The following PDGFD variants were observed in gnomAD, a reference collection of about 807,000 sequenced individuals.
The protein encoded by PDGFD is platelet derived growth factor D.
In PDGFD, 30 loss-of-function variants were observed where a neutral mutation model predicts 44.7. The ratio of observed to expected loss-of-function variants is 0.67; its 90% confidence interval spans 0.50 to 0.91. PDGFD has a LOEUF of 0.91. Among genes scored for constraint, PDGFD ranks in the 40% least tolerant of loss-of-function variants. The probability of loss-of-function intolerance (pLI) is 0.00; values close to 1 mark genes in which losing one functional copy is unlikely to be tolerated. For missense variants in PDGFD, 445 were observed against 457.8 expected, an observed-to-expected ratio of 0.97 and a Z score of 0.25; for synonymous variants, 173 against 168.4, an observed-to-expected ratio of 1.03 and a Z score of -0.21.
chr11:103,958,754 C>T (rs1858893051), intron 3 of PDGFD, among the ~76,000 whole-genome samples: 2 of 152,156 alleles, frequency 1.3e-5, no homozygotes, highest in Non-Finnish European at 2.9e-5. Context: ...CTGTACTTGA[C>T]TGACGTTATA....
chr11:103,952,537 A>T (rs1858775094), intron 3 of PDGFD, among the ~76,000 whole-genome samples: 1 of 152,120 alleles, frequency 6.6e-6, no homozygotes, highest in Non-Finnish European at 1.5e-5. Context: ...ACCTTACTGT[A>T]CCTTATAGAG....
At chr11:103,934,559 C>T (rs2029305) in intron 5 of PDGFD, among the ~76,000 whole-genome samples, 49,449 of 152,002 alleles carry the variant, frequency 0.33, 8,402 homozygotes, top group East Asian at 0.39. Flanking sequence ...GGTTTAATGG[C>T]CTCACAGTTA....
intron 5 of PDGFD, among the ~76,000 whole-genome samples, chr11:103,929,425 T>C (rs1263138852): frequency 6.6e-6 from 1 of 152,146 alleles, no homozygotes; most frequent in Non-Finnish European, 1.5e-5. Flanking sequence ...GCCTTCCCTA[T>C]AGGAATTCCA....
At chr11:104,067,676 C>A (rs1194972421) in intron 1 of PDGFD, among the ~76,000 whole-genome samples, 4 of 152,030 alleles carry the variant, frequency 2.6e-5, no homozygotes, top group African/African-American at 4.8e-5. Flanking sequence ...TAGATTCAGG[C>A]AGAAAAAGAT....
intron 6 of PDGFD, among the ~76,000 whole-genome samples, chr11:103,926,618 C>T (rs1408896289): frequency 6.6e-6 from 1 of 152,138 alleles, no homozygotes; most frequent in Non-Finnish European, 1.5e-5. Context: ...GCAAGTAGGT[C>T]AAGCTCTGAA....
chr11:104,071,836 T>C (rs941226006), intron 1 of PDGFD, among the ~76,000 whole-genome samples: 1 of 151,758 alleles, frequency 6.6e-6, no homozygotes, highest in African/African-American at 2.4e-5. Context: ...ACTTCATTTA[T>C]TAAAAAGATT....
At chr11:104,078,405 T>C (rs930108823) in intron 1 of PDGFD, among the ~76,000 whole-genome samples, 2 of 152,134 alleles carry the variant, frequency 1.3e-5, no homozygotes, top group African/African-American at 4.8e-5. Flanking sequence ...TCTTCTCAGA[T>C]TTATCCTTTT....
At chr11:103,916,915 C>T (rs1858135185) in intron 6 of PDGFD, among the ~76,000 whole-genome samples, 2 of 152,120 alleles carry the variant, frequency 1.3e-5, no homozygotes, top group South Asian at 4.2e-4. Context: ...GGGAGGGGAA[C>T]ATCACACACC....
intron 1 of PDGFD, among the ~76,000 whole-genome samples, chr11:104,101,108 C>T (rs374078809): frequency 0.04 from 6,039 of 151,942 alleles, 155 homozygotes; most frequent in Non-Finnish European, 0.058. Context: ...CCAGGGCAAT[C>T]CGGCAGGAGA....
intron 1 of PDGFD, among the ~76,000 whole-genome samples, chr11:104,070,618 G>C (rs1484531573): frequency 1.3e-5 from 2 of 152,066 alleles, no homozygotes; most frequent in East Asian, 3.9e-4. Flanking sequence ...GTAAAATCAT[G>C]CTCCTCATTT....
chr11:104,108,265 G>T (rs564414150), intron 1 of PDGFD, among the ~76,000 whole-genome samples: 13 of 152,050 alleles, frequency 8.5e-5, no homozygotes, highest in Middle Eastern at 6.8e-3. Flanking sequence ...GAGTGAATAC[G>T]CAACCTACAG....
At chr11:104,017,529 C>T (rs11226114) in intron 1 of PDGFD, among the ~76,000 whole-genome samples, 8 of 152,026 alleles carry the variant, frequency 5.3e-5, no homozygotes, top group African/African-American at 1.7e-4. Context: ...CTGTTCTGCC[C>T]GATCCAACAT....
At chr11:104,012,035 A>T (rs1404955912) in intron 1 of PDGFD, among the ~76,000 whole-genome samples, 1 of 152,136 alleles carries the variant, frequency 6.6e-6, no homozygotes, top group Non-Finnish European at 1.5e-5. Context: ...TAATTAGTAA[A>T]CCTATGAAAG....
intron 1 of PDGFD, among the ~76,000 whole-genome samples, chr11:104,104,055 T>C (rs990058853): frequency 2.0e-5 from 3 of 152,046 alleles, no homozygotes; most frequent in African/African-American, 7.2e-5. Context: ...ATCCTGACCC[T>C]GTGCAGGCCT....
At chr11:103,948,135 GAAT>G (rs1858690382) in intron 3 of PDGFD, among the ~76,000 whole-genome samples, 1 of 152,106 alleles carries the variant, frequency 6.6e-6, no homozygotes. Flanking sequence ...GTTTGATAAA[GAAT>G]AATAATAATT....
At chr11:103,911,484 C>T (rs1212256174) in intron 6 of PDGFD, among the ~76,000 whole-genome samples, 1 of 152,130 alleles carries the variant, frequency 6.6e-6, no homozygotes, top group Non-Finnish European at 1.5e-5. Context: ...TCAACAACAT[C>T]AAAGACCAAA....
At chr11:104,030,941 C>A (rs958002391) in intron 1 of PDGFD, among the ~76,000 whole-genome samples, 2 of 152,172 alleles carry the variant, frequency 1.3e-5, no homozygotes, top group African/African-American at 4.8e-5. Flanking sequence ...TTTATTTACA[C>A]ATTTCTCATA....
intron 1 of PDGFD, among the ~76,000 whole-genome samples, chr11:104,066,812 G>A (rs996790796): frequency 3.3e-5 from 5 of 151,896 alleles, no homozygotes; most frequent in African/African-American, 9.7e-5. Flanking sequence ...AATCACACTC[G>A]GCCTTTGAAA....
intron 5 of PDGFD, among the ~76,000 whole-genome samples, chr11:103,939,449 T>C (rs894237859): frequency 3.9e-5 from 6 of 152,270 alleles, no homozygotes; most frequent in African/African-American, 1.4e-4. Flanking sequence ...CTTGAGGAGA[T>C]TTTGGGCTGA....
Sources: allele counts gnomAD v4.1 joint callset (sites outside exome capture counted in the v4.1 genomes callset), GRCh38; gene constraint gnomAD v4.1.1; transcripts MANE v1.5; gene names NCBI Gene and HGNC (gene_info 2026-07-23, HGNC 2026-07-21).